The following VPS13B variants were observed in gnomAD, a reference collection of about 807,000 sequenced individuals.
VPS13B encodes the protein vacuolar protein sorting 13 homolog B.
A neutral mutation model predicts 426.4 loss-of-function variants in VPS13B; 285 were observed. The ratio of observed to expected loss-of-function variants is 0.67; its 90% CI spans 0.61 to 0.74. The LOEUF (loss-of-function observed/expected upper bound fraction) is 0.74. VPS13B is among the 30% of genes least tolerant of loss of function. The pLI is 0.00. For synonymous variants in VPS13B, 1,676 were observed against 1,676.4 expected (o/e 1.00, Z 0.01); for missense variants, 4,537 against 4,782.6 (o/e 0.95, Z 1.51).
At chr8:99,197,840 A>G (rs1359355827) in intron 17 of VPS13B, among the ~76,000 whole-genome samples, 1 of 152,108 alleles carries the variant, frequency 6.6e-6, no homozygotes, top group African/African-American at 2.4e-5. Context: ...TAATTTAGGA[A>G]CATGTTGTTT....
intron 17 of VPS13B, among the ~76,000 whole-genome samples, chr8:99,196,531 G>A (rs1813942691): frequency 6.9e-6 from 1 of 144,864 alleles, no homozygotes; most frequent in African/African-American, 2.6e-5. Flanking sequence ...GCAGTGGTGT[G>A]ATCTTGGCTC....
At chr8:99,232,412 C>G (rs1171976545) in intron 17 of VPS13B, among the ~76,000 whole-genome samples, 4 of 151,984 alleles carry the variant, frequency 2.6e-5, no homozygotes, top group Non-Finnish European at 5.9e-5. Context: ...ACAAGATTTC[C>G]CTCTGGGTGA....
intron 3 of VPS13B, among the ~76,000 whole-genome samples, chr8:99,063,732 G>C (rs113207186): frequency 6.6e-6 from 1 of 152,304 alleles, no homozygotes; most frequent in African/African-American, 2.4e-5. Context: ...TTCCCAGCAT[G>C]GTGTTTGAGC....
In VPS13B at chr8:99,875,996, T is replaced by C. The variant is rs1817682793; in HGVS notation, c.*330T>C. ...GTGTTCCTTCCCCACTTAGAGACAA[T>C]GATTAACAGGGCCCTATATGTTCTT... On this transcript the variant is annotated 3_prime_UTR_variant, in exon 62 of 62. Transcript: ENST00000357162. 2.8e-6 allele frequency: 1 copy of C among 360,910 alleles called. No individual in the cohort carries two copies. The highest frequency in any genetic ancestry group is 4.3e-5 in the Admixed American group (1 of 23,446). 22.4% of individuals were successfully genotyped at this position (360,910 alleles called of 1,614,324 possible).
chr8:99,128,861 T>C (rs7461275), intron 8 of VPS13B, among the ~76,000 whole-genome samples: 122,068 of 152,074 alleles, frequency 0.8, 49,490 homozygotes, highest in South Asian at 0.89. Flanking sequence ...TTAAGATAGC[T>C]GGACTCAGTG....
chr8:99,722,535 C>A (rs1445333576), intron 39 of VPS13B, among the ~76,000 whole-genome samples: 1 of 142,080 alleles, frequency 7.0e-6, no homozygotes, highest in African/African-American at 2.6e-5. Context: ...GAGACAGAAT[C>A]TTGCTCTGTC....
At chr8:99,620,826 C>T (rs1490747265) in intron 33 of VPS13B, among the ~76,000 whole-genome samples, 2 of 150,058 alleles carry the variant, frequency 1.3e-5, no homozygotes, top group Non-Finnish European at 1.5e-5. Flanking sequence ...AAAAAATATA[C>T]AAAATACAAA....
intron 17 of VPS13B, among the ~76,000 whole-genome samples, chr8:99,200,568 A>G (rs921132859): frequency 1.3e-5 from 2 of 152,096 alleles, no homozygotes; most frequent in African/African-American, 4.8e-5. Flanking sequence ...TCATATTGTT[A>G]TCTGTCTTTT....
At chr8:99,518,790 A>G (rs1026332932) in intron 29 of VPS13B, among the ~76,000 whole-genome samples, 2 of 152,180 alleles carry the variant, frequency 1.3e-5, no homozygotes, top group African/African-American at 4.8e-5. Flanking sequence ...GAAATAATAT[A>G]CTGGAAATAC....
At chr8:99,691,114 T>A (rs1363256293) in intron 35 of VPS13B, among the ~76,000 whole-genome samples, 1 of 152,120 alleles carries the variant, frequency 6.6e-6, no homozygotes, top group Non-Finnish European at 1.5e-5. Context: ...GGTACAAAAA[T>A]CACATATTAT....
intron 19 of VPS13B, among the ~76,000 whole-genome samples, chr8:99,308,606 T>G (rs867496807): frequency 1.8e-4 from 27 of 152,228 alleles, no homozygotes; most frequent in Middle Eastern, 6.8e-3. Context: ...TGGTTCCAAG[T>G]CTTTGCTATT....
chr8:99,156,842 T>A, intron 15 of VPS13B, 99 bp downstream of exon 15: 1 of 1,132,294 alleles, frequency 8.8e-7, no homozygotes, highest in East Asian at 2.4e-5. Flanking sequence ...AGAGAAATAG[T>A]ACTCTAAAAG....
At chr8:99,307,612 A>C (rs1324161993) in intron 19 of VPS13B, among the ~76,000 whole-genome samples, 1 of 152,040 alleles carries the variant, frequency 6.6e-6, no homozygotes, top group Non-Finnish European at 1.5e-5. Flanking sequence ...ATGCTATTTC[A>C]CTGGTTATTT....
chr8:99,105,405 G>A (rs1236583484), intron 5 of VPS13B, among the ~76,000 whole-genome samples: 1 of 152,158 alleles, frequency 6.6e-6, no homozygotes, highest in Non-Finnish European at 1.5e-5. Context: ...TTGAGACAGA[G>A]TCTCGCTCTG....
At chr8:99,826,834 G>A (rs1048026870) in intron 51 of VPS13B, among the ~76,000 whole-genome samples, 1 of 152,014 alleles carries the variant, frequency 6.6e-6, no homozygotes, top group Non-Finnish European at 1.5e-5. Flanking sequence ...TAATCACGTC[G>A]TTTTGGTCAT....
chr8:99,342,225 G>A (rs148225163), intron 19 of VPS13B, among the ~76,000 whole-genome samples: 2 of 152,220 alleles, frequency 1.3e-5, no homozygotes, highest in East Asian at 1.9e-4. Context: ...CTGTCATGTC[G>A]TTTACCTATC....
intron 21 of VPS13B, 24 bp downstream of exon 21, chr8:99,391,728 G>A (rs751890954): frequency 1.6e-5 from 26 of 1,611,938 alleles, no homozygotes; most frequent in South Asian, 3.3e-5. Context: ...ACTGTAAAGG[G>A]ACTATGATTG....
rs2130975458 is a variant in VPS13B at position 99,871,523 on chromosome 8, G to A, written c.11571G>A (p.Gln3857=). The A allele has an allele frequency of 1.2e-6, 2 of 1,614,236 alleles. No individual in the cohort carries two copies. The highest frequency in any genetic ancestry group is 1.7e-6 in the Non-Finnish European group (2 of 1,180,040). The change falls in exon 61 of 62, where the codon CAG becomes CAA. Residue 3857 remains glutamine, a synonymous_variant. Transcript: ENST00000357162. Reference sequence around the variant, plus strand: ...TGGTTCTGGTGAGGGGCTCAGGCCAGGAGCATGAAGGGTGCTTGCTGCTGA... The same window carrying A: ...TGGTTCTGGTGAGGGGCTCAGGCCAAGAGCATGAAGGGTGCTTGCTGCTGA... ...LDVVLVRGSG[Q]EHEGCLLLTS... is the part of the protein sequence containing the mutation.
At chr8:99,570,096 G>C (rs1250969115) in intron 31 of VPS13B, among the ~76,000 whole-genome samples, 3 of 152,242 alleles carry the variant, frequency 2.0e-5, no homozygotes, top group Admixed American at 6.5e-5. Context: ...GCTGTAATCT[G>C]TTTTCTCCAG....
Sources: gnomAD v4.1 joint callset for allele counts (sites outside exome capture counted in the v4.1 genomes callset) on GRCh38, gnomAD v4.1.1 for gene constraint, MANE v1.5 for transcripts, NCBI Gene and HGNC (gene_info 2026-07-23, HGNC 2026-07-21) for gene names.